LGSN: variants seen among roughly 807,000 people sequenced by gnomAD.
LGSN encodes the protein lengsin.
Under a neutral mutation model 19.5 loss-of-function variants are expected in LGSN, and 21 were observed. That is an observed-to-expected ratio of 1.07 (90% confidence interval 0.76 to 1.55). LGSN has a LOEUF of 1.55. Ranked by LOEUF, LGSN falls within the 40% of genes most tolerant of loss-of-function variation. The pLI, the probability that LGSN is intolerant of heterozygous loss-of-function variation, is 0.00. For missense variants in LGSN, 673 were observed against 608.5 expected (o/e 1.11, Z -1.12); for synonymous variants, 257 against 215.6 (o/e 1.19, Z -1.68).
the LGSN span, among the ~76,000 whole-genome samples, chr6:63,389,041 G>A: frequency 1.3e-5 from 2 of 152,254 alleles, no homozygotes; most frequent in African/African-American, 4.8e-5. Flanking sequence ...AAAGGGAAGG[G>A]AAAAGAAGAA....
At chr6:63,352,203 TCAAAA>T in the LGSN span, among the ~76,000 whole-genome samples, 1 of 152,208 alleles carries the variant, frequency 6.6e-6, no homozygotes, top group Admixed American at 6.5e-5. Context: ...TTGTATAACA[TCAAAA>T]CAAAACTTAC....
At chr6:63,326,843 C>A in the LGSN span, among the ~76,000 whole-genome samples, 5 of 152,310 alleles carry the variant, frequency 3.3e-5, no homozygotes, top group Admixed American at 6.5e-5. Context: ...TCCCTCCACA[C>A]CTCCCTGCAA....
the LGSN span, among the ~76,000 whole-genome samples, chr6:63,543,885 T>A: frequency 6.6e-6 from 1 of 152,254 alleles, no homozygotes; most frequent in Non-Finnish European, 1.5e-5. Flanking sequence ...TCGTGTTTAT[T>A]TGTACACAAA....
At chr6:63,537,668 C>G in the LGSN span, among the ~76,000 whole-genome samples, 1 of 152,208 alleles carries the variant, frequency 6.6e-6, no homozygotes, top group African/African-American at 2.4e-5. Context: ...AAACCACAAG[C>G]TGAGTACAAT....
chr6:63,389,352 A>G, the LGSN span, among the ~76,000 whole-genome samples: 2 of 152,344 alleles, frequency 1.3e-5, no homozygotes, highest in South Asian at 2.1e-4. Flanking sequence ...AGCCTGATTC[A>G]TTTTGTATCT....
chr6:63,432,182 A>AGG, the LGSN span, among the ~76,000 whole-genome samples: 14 of 27,276 alleles, frequency 5.1e-4, no homozygotes, highest in African/African-American at 1.2e-3. Context: ...AAGGAAAGAA[A>AGG]GAAAAGAAAA....
the LGSN span, among the ~76,000 whole-genome samples, chr6:63,404,798 C>CT: frequency 0.029 from 4,391 of 151,858 alleles, 176 homozygotes; most frequent in African/African-American, 0.086. Flanking sequence ...AAAAGTATTT[C>CT]TTTTTTTTAT....
At chr6:63,360,922 T>G in the LGSN span, among the ~76,000 whole-genome samples, 1 of 152,238 alleles carries the variant, frequency 6.6e-6, no homozygotes. Context: ...AGAGGTCCAC[T>G]CCAGACCCTG....
the LGSN span, among the ~76,000 whole-genome samples, chr6:63,532,423 C>A: frequency 6.6e-6 from 1 of 152,140 alleles, no homozygotes; most frequent in Admixed American, 6.6e-5. Context: ...AGCCACAGGA[C>A]CTGCTCATGG....
the LGSN span, among the ~76,000 whole-genome samples, chr6:63,495,348 T>C: frequency 0.089 from 13,577 of 151,984 alleles, 658 homozygotes; most frequent in East Asian, 0.16. Flanking sequence ...AGTTAGCAAG[T>C]AGCAGAGAAG....
chr6:63,536,601 G>A, the LGSN span, among the ~76,000 whole-genome samples: 2 of 152,106 alleles, frequency 1.3e-5, no homozygotes, highest in Admixed American at 6.6e-5. Context: ...TAAAATTGAT[G>A]TATGACTTTA....
At chr6:63,448,914 TAAC>T in the LGSN span, among the ~76,000 whole-genome samples, 9 of 152,206 alleles carry the variant, frequency 5.9e-5, no homozygotes, top group Non-Finnish European at 1.3e-4. Context: ...AATAACAACA[TAAC>T]AACAAAAAAT....
At chr6:63,472,885 G>A in the LGSN span, among the ~76,000 whole-genome samples, 1 of 152,050 alleles carries the variant, frequency 6.6e-6, no homozygotes, top group Non-Finnish European at 1.5e-5. Flanking sequence ...AGCTTGCAGT[G>A]AGCCGAGATC....
At chr6:63,383,288 T>A in the LGSN span, among the ~76,000 whole-genome samples, 1 of 151,516 alleles carries the variant, frequency 6.6e-6, no homozygotes, top group African/African-American at 2.4e-5. Flanking sequence ...TTTTAAAACT[T>A]TCTCAATGAC....
the LGSN span, among the ~76,000 whole-genome samples, chr6:63,530,218 CT>C: frequency 2.0e-5 from 3 of 151,924 alleles, no homozygotes; most frequent in Admixed American, 2.0e-4. Flanking sequence ...TTACTTAACA[CT>C]TTTTTTTCAT....
chr6:63,536,118 G>A, the LGSN span, among the ~76,000 whole-genome samples: 1 of 152,048 alleles, frequency 6.6e-6, no homozygotes, highest in Non-Finnish European at 1.5e-5. Context: ...CATCACCTGA[G>A]GCCAACAGTT....
chr6:63,572,893 G>A, the LGSN span, among the ~76,000 whole-genome samples: 1 of 152,086 alleles, frequency 6.6e-6, no homozygotes, highest in African/African-American at 2.4e-5. Flanking sequence ...GCCGATTGCG[G>A]CCGGCTGTGC....
chr6:63,321,569 T>A (rs1443794370), upstream of LGSN, among the ~76,000 whole-genome samples: 1 of 152,220 alleles, frequency 6.6e-6, no homozygotes, highest in Non-Finnish European at 1.5e-5. Context: ...ATGATTTTTT[T>A]ATAATATCCT....
the LGSN span, among the ~76,000 whole-genome samples, chr6:63,399,497 C>T: frequency 4.7e-5 from 7 of 148,972 alleles, no homozygotes; most frequent in South Asian, 6.4e-4. Context: ...CGGGTTCAAG[C>T]GATTCTCCTG....
Sources: gnomAD v4.1 joint callset for allele counts (sites outside exome capture counted in the v4.1 genomes callset) on GRCh38, gnomAD v4.1.1 for gene constraint, MANE v1.5 for transcripts, NCBI Gene and HGNC (gene_info 2026-07-23, HGNC 2026-07-21) for gene names.